The following ATG2B variants were observed in gnomAD, a reference collection of about 807,000 sequenced individuals.
ATG2B encodes the protein autophagy related 2B.
ATG2B carries 121 observed loss-of-function variants against 241.3 expected under a neutral mutation model. The observed-to-expected ratio is 0.50, with a 90% CI of 0.43 to 0.58. The LOEUF (loss-of-function observed/expected upper bound fraction) is 0.58. Ranked by LOEUF, ATG2B falls within the 20% of genes least tolerant of loss-of-function variation. The pLI, the probability that ATG2B is intolerant of heterozygous loss-of-function variation, is 0.00. For missense variants in ATG2B, 2,306 were observed against 2,491.6 expected (o/e 0.93, Z 1.59); for synonymous variants, 858 against 876.6 (o/e 0.98, Z 0.37).
At chr14:96,310,825 A>C (rs545568063) in intron 28 of ATG2B, among the ~76,000 whole-genome samples, 2 of 152,334 alleles carry the variant, frequency 1.3e-5, no homozygotes, top group Non-Finnish European at 2.9e-5. Flanking sequence ...AAGCTTTTGC[A>C]TGATAAATGT....
rs760656901 is a variant in ATG2B at position 96,290,869 on chromosome 14, GTTC to G, written c.5643_5645del (p.Lys1881del). 4 of 1,613,806 alleles carry G rather than the reference GTTC, an allele frequency of 2.5e-6. No individual in the cohort carries two copies. In the East Asian group the frequency reaches 8.9e-5, roughly 36 times the overall value. ...CACCTCCCAGGATTCCTGGTAGCTGGTTCTTCTTAATGTCATTAAGCCACTCAG... is the reference window on the plus strand; with the variant it reads ...CACCTCCCAGGATTCCTGGTAGCTGGTTCTTAATGTCATTAAGCCACTCAG... On this transcript the variant is annotated inframe_deletion, in exon 39 of 42. Transcript: ENST00000359933. The surrounding 1 kb of genome is among the most constrained non-coding windows in gnomAD (Gnocchi z 4.4).
In ATG2B at chr14:96,279,571, CA is replaced by C; in HGVS notation, c.*6183del. On this transcript the variant is annotated 3_prime_UTR_variant, in exon 42 of 42. Coordinates refer to ENST00000359933, the MANE Select transcript of ATG2B (RefSeq NM_018036.7). ...GGGGAGTGCCGCAAAGTTTAACAAA[CA>C]AAAAAAAGGAAAGCATGCTATAGTG... 1 of 151,566 alleles carries C rather than the reference CA, an allele frequency of 6.6e-6. No homozygotes were observed. The allele number at this position is 151,566 out of a possible 1,614,324, so 9.4% of individuals were successfully genotyped here.
Position 96,343,274 on chromosome 14 carries a change from A to G in ATG2B, c.589T>C (p.Tyr197His). ...ALEIRIERTV[Y>H]CDETADESSG... is the part of the protein sequence containing the mutation. ...GATTCGTCAGCAGTTTCATCACAGT[A>G]CACAGTTCTGAAATTTTTTTAAAAA... Residue 197 changes from tyrosine (Y) to histidine (H), a missense_variant, in exon 5 of 42, where the codon TAC (tyrosine) becomes CAC (histidine). By Grantham distance (83) the Tyr-to-His change is moderately conservative (BLOSUM62 2). Transcript: ENST00000359933. The G allele has an allele frequency of 6.3e-7, 1 of 1,576,682 alleles. No individual in the cohort carries two copies.
intron 8 of ATG2B, 89 bp downstream of exon 8, chr14:96,333,598 TA>T: frequency 8.1e-7 from 1 of 1,235,158 alleles, no homozygotes; most frequent in Non-Finnish European, 1.1e-6. Flanking sequence ...CTTTCATTCC[TA>T]AACTTCTGTT....
At chr14:96,320,639 A>G (rs1402691702) in intron 18 of ATG2B, among the ~76,000 whole-genome samples, 2 of 152,244 alleles carry the variant, frequency 1.3e-5, no homozygotes, top group Non-Finnish European at 2.9e-5. Flanking sequence ...ATATACATTT[A>G]TAAAGTGAAT....
intron 1 of ATG2B, among the ~76,000 whole-genome samples, chr14:96,352,791 T>TA (rs1888364794): frequency 2.0e-5 from 3 of 151,076 alleles, no homozygotes; most frequent in African/African-American, 7.3e-5. Flanking sequence ...AACTTATTAT[T>TA]GAAAAAAAAA....
intron 6 of ATG2B, among the ~76,000 whole-genome samples, chr14:96,337,672 T>G (rs1235200318): frequency 6.6e-6 from 1 of 152,224 alleles, no homozygotes; most frequent in Non-Finnish European, 1.5e-5. Flanking sequence ...ACTGTTTTGC[T>G]AACTACAGCC....
chr14:96,341,348 A>G lies in ATG2B; in HGVS notation c.924+174T>C, dbSNP rs547517155. 2.6e-5 allele frequency among the ~76,000 whole-genome samples: 4 copies of G among 152,300 alleles called. No homozygotes were observed. In the East Asian group the frequency reaches 7.7e-4, roughly 29 times the overall value. ...GTAGGGCAAAGGCAGTCCTCACATA[A>G]ATTTTGTGACCTAGGATAGAAGCAT... On this transcript the variant is annotated intron_variant, in intron 6 of 41. Coordinates refer to ENST00000359933, the MANE Select transcript of ATG2B (RefSeq NM_018036.7).
intron 23 of ATG2B, among the ~76,000 whole-genome samples, chr14:96,314,318 G>A (rs1214226718): frequency 6.6e-6 from 1 of 152,110 alleles, no homozygotes; most frequent in Non-Finnish European, 1.5e-5. Context: ...CTCACATAAG[G>A]AAAAGCTAAC....
intron 18 of ATG2B, among the ~76,000 whole-genome samples, chr14:96,320,023 T>C (rs569828767): frequency 8.5e-5 from 13 of 152,232 alleles, no homozygotes; most frequent in Non-Finnish European, 1.5e-4. Flanking sequence ...AGGTATTTAA[T>C]AGAATAGAAA....
At chr14:96,295,225 TA>T in intron 35 of ATG2B, 58 bp from the exon 36 acceptor site, 1 of 1,360,842 alleles carries the variant, frequency 7.3e-7, no homozygotes, top group Admixed American at 1.9e-5. Flanking sequence ...AGCAAACATT[TA>T]AATCAATCTT....
rs1001512254 is a variant in ATG2B, at chr14:96,329,493, G to A, written c.1872C>T (p.His624=). The change falls in exon 12 of 42, where the codon CAC becomes CAT. Residue 624 remains histidine (H), a synonymous_variant. Transcript: ENST00000359933. Reference sequence around the variant, plus strand: ...AGTATTCAATATTTACCTCTGTATAGTGAGGAGGAACAGAATGAAAATCAG... The same window carrying A: ...AGTATTCAATATTTACCTCTGTATAATGAGGAGGAACAGAATGAAAATCAG... The part of the protein sequence containing the change: ...FPTDFHSVPP[H]YTELLTFHSK... 66 of 1,609,190 alleles carry A rather than the reference G, an allele frequency of 4.1e-5. No individual in the cohort carries two copies. The highest frequency in any genetic ancestry group is 5.2e-5 in the Non-Finnish European group (61 of 1,177,338).
intron 5 of ATG2B, among the ~76,000 whole-genome samples, 200 bp from the exon 6 acceptor site, chr14:96,341,901 G>A (rs1047476832): frequency 6.6e-6 from 1 of 151,984 alleles, no homozygotes; most frequent in African/African-American, 2.4e-5. Context: ...GGTAATAAAA[G>A]CAAGTCATGA....
chr14:96,315,615 C>T, intron 21 of ATG2B, 32 bp from the exon 22 acceptor site: 3 of 1,536,274 alleles, frequency 2.0e-6, no homozygotes, highest in Middle Eastern at 1.7e-4. Flanking sequence ...AAAATAGTAA[C>T]AAAATGATTA....
In ATG2B at chr14:96,311,525, T is replaced by A; in HGVS notation, c.3990+17A>T. 6.4e-7 allele frequency: 1 copy of A among 1,565,918 alleles called. No individual in the cohort carries two copies. Among genetic ancestry groups the A allele is most frequent in the Non-Finnish European group, 8.7e-7 (1 of 1,149,670 alleles). On this transcript the variant is annotated intron_variant, in intron 27 of 41. Transcript: ENST00000359933. ...AAAAAATAGAACTTAAAATTTTCAT[T>A]TATTTTAATAACTCACTTGCTCTCC...
chr14:96,329,665 T>A, intron 11 of ATG2B, 31 bp from the exon 12 acceptor site: 1 of 1,423,508 alleles, frequency 7.0e-7, no homozygotes, highest in Non-Finnish European at 9.8e-7. Flanking sequence ...TTTAAGATTA[T>A]TAGTGTTAAA....
chr14:96,308,251 TACACACATATATATATATATATATATA>T (rs1341552156), intron 29 of ATG2B, among the ~76,000 whole-genome samples: 9 of 20,954 alleles, frequency 4.3e-4, no homozygotes, highest in South Asian at 2.5e-3. Flanking sequence ...TATATATATA[TACACACATATATATATATATATATATA>T]TATATTTTTT....
In ATG2B at chr14:96,315,198, G is replaced by A. The variant is rs1186844404; in HGVS notation, c.3598C>T (p.Leu1200Phe). 3 of 1,614,042 alleles carry A rather than the reference G, an allele frequency of 1.9e-6. No homozygotes were observed. The highest frequency in any genetic ancestry group is 1.7e-6 in the Non-Finnish European group (2 of 1,180,012). ...LIAVGLKGATLQHRMLPSGLS... is the reference protein window; with the variant it reads ...LIAVGLKGATFQHRMLPSGLS... Reference sequence around the variant, plus strand: ...CCAGAAGGAAGCATTCTATGCTGGAGAGTGGCTCCTTTCAGTCCTACGGCA... The same window carrying A: ...CCAGAAGGAAGCATTCTATGCTGGAAAGTGGCTCCTTTCAGTCCTACGGCA... The change falls in exon 23 of 42, where the codon CTC (leucine) becomes TTC (phenylalanine). Residue 1200 changes from leucine (L) to phenylalanine (F), a missense_variant. Around this residue, in one of 2 missense-constraint regions of ATG2B, gnomAD observed 1,927 missense variants for 2,011.2 expected, o/e 0.96. Transcript: ENST00000359933.
At chr14:96,320,056 C>T (rs372529154) in intron 18 of ATG2B, among the ~76,000 whole-genome samples, 3 of 152,104 alleles carry the variant, frequency 2.0e-5, no homozygotes, top group South Asian at 2.1e-4. Context: ...ATCCATTAAA[C>T]CAACTATCCA....
Sources: gnomAD v4.1 joint callset for allele counts (sites outside exome capture counted in the v4.1 genomes callset) on GRCh38, gnomAD v4.1.1 for gene constraint, gnomAD v4.1.1 regional missense constraint, Gnocchi (gnomAD v3.1) non-coding constraint, MANE v1.5 for transcripts, NCBI Gene and HGNC (gene_info 2026-07-23, HGNC 2026-07-21) for gene names.